The following FOXO3 variants were observed in gnomAD, a reference collection of about 807,000 sequenced individuals.
FOXO3 encodes the protein forkhead box O3.
FOXO3 carries 4 observed loss-of-function variants against 41.9 expected under a neutral mutation model. The ratio of observed to expected loss-of-function variants is 0.10; its 90% confidence interval spans 0.05 to 0.22. The LOEUF (loss-of-function observed/expected upper bound fraction) is 0.22, where lower values mean the gene tolerates loss of function less well. Among genes scored for constraint, FOXO3 ranks in the 10% least tolerant of loss-of-function variants. The pLI, the probability that FOXO3 is intolerant of heterozygous loss-of-function variation, is 1.00. For synonymous variants in FOXO3, 318 were observed against 389.3 expected (o/e 0.82, Z 2.16); for missense variants, 534 against 906.8 (o/e 0.59, Z 5.28).
At chr6:108,578,953 A>G (rs900502880) in intron 1 of FOXO3, among the ~76,000 whole-genome samples, 2 of 152,172 alleles carry the variant, frequency 1.3e-5, no homozygotes, top group African/African-American at 2.4e-5. Flanking sequence ...GCTTGTCAGT[A>G]TCATTGGACT....
intron 1 of FOXO3, among the ~76,000 whole-genome samples, chr6:108,657,502 C>A (rs1397539150): frequency 6.6e-6 from 1 of 152,196 alleles, no homozygotes; most frequent in Non-Finnish European, 1.5e-5. Flanking sequence ...ATCCCTAGTT[C>A]TTCAGCCAGT....
chr6:108,632,980 T>C (rs1328761010), intron 1 of FOXO3, among the ~76,000 whole-genome samples: 1 of 152,202 alleles, frequency 6.6e-6, no homozygotes, highest in African/African-American at 2.4e-5. Flanking sequence ...GTAAATTTTT[T>C]TTTTCCATAA....
At position 108,650,370 on chromosome 6, in the gene FOXO3, G is replaced by A. The variant is rs76545613; in HGVS notation, c.622-13085G>A. Among the ~76,000 whole-genome samples the A allele has an allele frequency of 6.6e-3, 1,006 of 152,172 alleles. 14 individuals carry two copies. The highest frequency in any genetic ancestry group is 0.023 in the African/African-American group (967 of 41,500). Reference sequence around the variant, plus strand: ...AGGGTCTAAAAGAACTGTTTCCTACGTTCTTTTAGCCCCTGAGGCACCCAG... The same window carrying A: ...AGGGTCTAAAAGAACTGTTTCCTACATTCTTTTAGCCCCTGAGGCACCCAG... On this transcript the variant is annotated intron_variant, in intron 1 of 2. Transcript: ENST00000406360.
intron 1 of FOXO3, among the ~76,000 whole-genome samples, chr6:108,614,471 C>G (rs1488902523): frequency 6.6e-6 from 1 of 152,106 alleles, no homozygotes; most frequent in Non-Finnish European, 1.5e-5. Flanking sequence ...TGAATTGTCT[C>G]TCTTCATCCT....
At chr6:108,636,402 A>AG (rs369490316) in intron 1 of FOXO3, among the ~76,000 whole-genome samples, 113 of 152,232 alleles carry the variant, frequency 7.4e-4, no homozygotes, top group Non-Finnish European at 1.5e-3. Context: ...CATTTAGCTG[A>AG]GGGGAAGGGT....
At chr6:108,641,335 C>G (rs1778251775) in intron 1 of FOXO3, among the ~76,000 whole-genome samples, 1 of 152,122 alleles carries the variant, frequency 6.6e-6, no homozygotes, top group African/African-American at 2.4e-5. Flanking sequence ...CCCAAACATT[C>G]TTACTAGTGC....
At chr6:108,628,039 T>G (rs1322388856) in intron 1 of FOXO3, among the ~76,000 whole-genome samples, 1 of 152,216 alleles carries the variant, frequency 6.6e-6, no homozygotes, top group Non-Finnish European at 1.5e-5. Flanking sequence ...AAGCCTGTTT[T>G]GTCTTTGAAA....
At chr6:108,671,824 A>G (rs1279993019) in intron 2 of FOXO3, among the ~76,000 whole-genome samples, 2 of 152,210 alleles carry the variant, frequency 1.3e-5, no homozygotes, top group East Asian at 1.9e-4. Flanking sequence ...AATGTCCCTT[A>G]GAAGTTCTGC....
rs1444375826 is a variant in FOXO3 at position 108,667,054 on chromosome 6, G to C, written c.*34+2165G>C. On this transcript the variant is annotated intron_variant, in intron 2 of 2. Transcript: ENST00000406360. The stretch of plus-strand genomic sequence containing the variant: ...ATGGTGAGCTCACTCCAGCTCACGG[G>C]TGGTTGCAGAAAGGGGAATGTTAAG... 5.3e-5 allele frequency among the ~76,000 whole-genome samples: 8 copies of C among 152,210 alleles called. 1 individual carries two copies. The highest frequency in any genetic ancestry group is 1.9e-4 in the African/African-American group (8 of 41,442).
At chr6:108,571,789 A>C (rs1213967709) in intron 1 of FOXO3, among the ~76,000 whole-genome samples, 2 of 152,202 alleles carry the variant, frequency 1.3e-5, no homozygotes, top group African/African-American at 4.8e-5. Flanking sequence ...CCTGAAATTC[A>C]TGGTAATTCG....
At chr6:108,599,266 T>G (rs1436337875) in intron 1 of FOXO3, among the ~76,000 whole-genome samples, 1 of 152,210 alleles carries the variant, frequency 6.6e-6, no homozygotes, top group Non-Finnish European at 1.5e-5. Context: ...TTATTAAAAT[T>G]AAAAAATCTT....
rs570673396 is a variant in FOXO3 at position 108,563,175 on chromosome 6, G to A, written c.621+1346G>A. ...CGAGCCTGTAGATGAAAAAGTTAAAGAACTTAATGTAGAGAATGTTTTATT... is the reference window on the plus strand; with the variant it reads ...CGAGCCTGTAGATGAAAAAGTTAAAAAACTTAATGTAGAGAATGTTTTATT... On this transcript the variant is annotated intron_variant, in intron 1 of 2. Transcript: ENST00000406360. 1.9e-4 allele frequency among the ~76,000 whole-genome samples: 29 copies of A among 152,264 alleles called. No homozygotes were observed. In the South Asian group the frequency reaches 4.1e-3, roughly 22 times the overall value.
intron 1 of FOXO3, among the ~76,000 whole-genome samples, chr6:108,626,840 C>T (rs1705771256): frequency 6.6e-6 from 1 of 152,154 alleles, no homozygotes; most frequent in Admixed American, 6.5e-5. Flanking sequence ...TAAGGTTTAA[C>T]ATTGGAAGTG....
chr6:108,578,964 C>G (rs1463671178), intron 1 of FOXO3, among the ~76,000 whole-genome samples: 2 of 152,138 alleles, frequency 1.3e-5, no homozygotes, highest in African/African-American at 2.4e-5. Flanking sequence ...TCATTGGACT[C>G]TGTAGTCCAT....
intron 1 of FOXO3, among the ~76,000 whole-genome samples, chr6:108,591,743 C>A (rs528391524): frequency 1.3e-4 from 20 of 152,176 alleles, no homozygotes; most frequent in Non-Finnish European, 2.4e-4. Context: ...AACAAAACTT[C>A]GTGTTTCTGA....
intron 2 of FOXO3, among the ~76,000 whole-genome samples, chr6:108,678,890 T>TTTTTGTC (rs368405598): frequency 8.7e-6 from 1 of 115,334 alleles, no homozygotes; most frequent in Non-Finnish European, 1.8e-5. Flanking sequence ...TTTTTTTTTT[T>TTTTTGTC]TGAGACGGAG....
chr6:108,573,876 G>A (rs970865676), intron 1 of FOXO3, among the ~76,000 whole-genome samples: 7 of 152,052 alleles, frequency 4.6e-5, no homozygotes, highest in Non-Finnish European at 1.0e-4. Flanking sequence ...GATATTGGCC[G>A]GGCGCGGCGG....
At chr6:108,598,281 G>A (rs149137122) in intron 1 of FOXO3, among the ~76,000 whole-genome samples, 1 of 152,068 alleles carries the variant, frequency 6.6e-6, no homozygotes, top group Admixed American at 6.5e-5. Context: ...TTGTTCCTTG[G>A]TAGTTTCTTC....
intron 1 of FOXO3, among the ~76,000 whole-genome samples, chr6:108,615,936 C>A (rs1363649663): frequency 6.6e-6 from 1 of 151,630 alleles, no homozygotes; most frequent in Non-Finnish European, 1.5e-5. Flanking sequence ...TTGTATCTTC[C>A]AATTTCCTGC....
Sources: allele counts gnomAD v4.1 joint callset (sites outside exome capture counted in the v4.1 genomes callset), GRCh38; gene constraint gnomAD v4.1.1; transcripts MANE v1.5; gene names NCBI Gene and HGNC (gene_info 2026-07-23, HGNC 2026-07-21).